The following ABCC1 variants were observed in gnomAD, a reference collection of about 807,000 sequenced individuals.
The protein encoded by ABCC1 is ATP binding cassette subfamily C member 1 (ABCC1 blood group), also known as multidrug resistance-associated protein 1.
In ABCC1, 83 loss-of-function variants were observed where a neutral mutation model predicts 172.9. The ratio of observed to expected loss-of-function variants is 0.48; its 90% CI spans 0.40 to 0.58. The LOEUF is 0.58. Among genes scored for constraint, ABCC1 ranks in the 20% least tolerant of loss-of-function variants. The pLI is 0.00. For synonymous variants in ABCC1, 937 were observed against 825.2 expected, an observed-to-expected ratio of 1.14 and a Z score of -2.32; for missense variants, 1,817 against 2,002.7, an observed-to-expected ratio of 0.91 and a Z score of 1.77.
chr16:16,065,151 C>T (rs775109681), intron 12 of ABCC1, among the ~76,000 whole-genome samples: 7 of 152,142 alleles, frequency 4.6e-5, no homozygotes, highest in African/African-American at 1.2e-4. Context: ...TGACAGATGA[C>T]GCCAAATGAG....
At chr16:16,137,617 G>T (rs1365804297) in intron 29 of ABCC1, among the ~76,000 whole-genome samples, 1 of 139,998 alleles carries the variant, frequency 7.1e-6, no homozygotes, top group African/African-American at 2.6e-5. Flanking sequence ...GAGTGCAGTG[G>T]CGCAATCTCA....
intron 7 of ABCC1, among the ~76,000 whole-genome samples, chr16:16,041,895 G>C (rs950820833): frequency 6.6e-6 from 1 of 152,058 alleles, no homozygotes; most frequent in African/African-American, 2.4e-5. Flanking sequence ...TCATGAGTTC[G>C]AGACCAGCCT....
At position 16,079,345 on chromosome 16, in the gene ABCC1, G is replaced by A. The variant is rs376785791; in HGVS notation, c.1989-7G>A. ...GTGGCTGAGCCAGGTGTGTTGTGTC[G>A]TTTCAGCATCACCTTCTCCATCCCC... On this transcript the variant is annotated splice_region_variant and splice_polypyrimidine_tract_variant and intron_variant, in intron 15 of 30. Coordinates refer to ENST00000399410, the MANE Select transcript of ABCC1 (RefSeq NM_004996.4). 1.2e-4 allele frequency: 191 copies of A among 1,613,556 alleles called. 1 individual carries two copies. In the Admixed American group the frequency reaches 1.9e-3, roughly 16 times the overall value.
chr16:15,984,205 A>G (rs779051132), intron 1 of ABCC1, among the ~76,000 whole-genome samples: 19 of 152,214 alleles, frequency 1.2e-4, no homozygotes, highest in East Asian at 7.7e-4. Context: ...GCAGAAGGAC[A>G]TAAGACGAGG....
At chr16:15,959,605 C>T (rs1013765359) in intron 1 of ABCC1, among the ~76,000 whole-genome samples, 5 of 152,210 alleles carry the variant, frequency 3.3e-5, no homozygotes, top group Non-Finnish European at 5.9e-5. Context: ...GGATTACAGG[C>T]GTGAGCCACC....
chr16:16,076,342 C>T lies in ABCC1; in HGVS notation c.1929C>T (p.Ser643=). 6.2e-7 allele frequency: 1 copy of T among 1,612,456 alleles called. No individual in the cohort carries two copies. The highest frequency in any genetic ancestry group is 8.5e-7 in the Non-Finnish European group (1 of 1,179,306). ...GCTTTGTAGGCGGGGGCACGAACAGCATCACCGTGAGGAATGCCACATTCA... is the reference window on the plus strand; with the variant it reads ...GCTTTGTAGGCGGGGGCACGAACAGTATCACCGTGAGGAATGCCACATTCA... ...RPVKDGGGTN[S]ITVRNATFTW... Residue 643 remains serine, a synonymous_variant, in exon 15 of 31, where the codon AGC becomes AGT. Coordinates refer to ENST00000399410, the MANE Select transcript of ABCC1 (RefSeq NM_004996.4).
At position 16,090,465 on chromosome 16, in the gene ABCC1, A is replaced by C; in HGVS notation, c.2521A>C (p.Met841Leu). 6.2e-7 allele frequency: 1 copy of C among 1,613,926 alleles called. No homozygotes were observed. The highest frequency in any genetic ancestry group is 1.3e-5 in the African/African-American group (1 of 75,066). ...GCCGCAGGTGGACGTCATCATCGTC[A>C]TGAGTGGCGGCAAGATCTCTGAGAT... The part of the protein sequence containing the change: ...YLPQVDVIIV[M>L]SGGKISEMGS... The change falls in exon 19 of 31, where the codon ATG becomes CTG. Residue 841 changes from methionine to leucine, a missense_variant. Transcript: ENST00000399410.
intron 19 of ABCC1, among the ~76,000 whole-genome samples, chr16:16,090,948 T>G (rs998915867): frequency 6.6e-6 from 1 of 151,994 alleles, no homozygotes; most frequent in Non-Finnish European, 1.5e-5. Flanking sequence ...CTCTCGGGGC[T>G]GAGAGAAACT....
Position 16,045,842 on chromosome 16 carries a change from C to T in ABCC1, c.1047C>T (p.Leu349=), listed in dbSNP as rs8187851. The T allele has an allele frequency of 1.7e-4, 276 of 1,614,082 alleles. 1 individual carries two copies. In the East Asian group the frequency reaches 5.7e-3, roughly 33 times the overall value. The part of the protein sequence containing the change: ...MFSGPQILKL[L]IKFVNDTKAP... The stretch of plus-strand genomic sequence containing the variant: ...TCTCTTTGCTCCTTTGCAGGTTGCT[C>T]ATCAAGTTCGTGAATGACACGAAGG... The change falls in exon 9 of 31, where the codon CTC becomes CTT. Residue 349 remains leucine (L), a synonymous_variant. Transcript: ENST00000399410.
Position 16,068,239 on chromosome 16 carries a change from C to T in ABCC1, c.1761C>T (p.Ala587=), listed in dbSNP as rs755785390. The part of the protein sequence containing the change: ...LDAQTAFVSL[A]LFNILRFPLN... ...CCCAGACAGCCTTCGTGTCTTTGGC[C>T]TTGTTCAACATCCTCCGGTTTCCCC... Residue 587 remains alanine (A), a synonymous_variant, in exon 13 of 31, where the codon GCC becomes GCT. Transcript: ENST00000399410. 4.6e-5 allele frequency: 75 copies of T among 1,614,028 alleles called. No individual in the cohort carries two copies. The highest frequency in any genetic ancestry group is 6.1e-5 in the Non-Finnish European group (72 of 1,180,042).
chr16:16,128,769 T>TGG (rs1235072783), intron 26 of ABCC1, among the ~76,000 whole-genome samples: 4 of 151,830 alleles, frequency 2.6e-5, no homozygotes, highest in Non-Finnish European at 4.4e-5. Context: ...GAGGCCAAGG[T>TGG]GGGTGGATCA....
chr16:16,107,090 C>T (rs2052155562), intron 21 of ABCC1, among the ~76,000 whole-genome samples: 1 of 152,130 alleles, frequency 6.6e-6, no homozygotes, highest in Non-Finnish European at 1.5e-5. Flanking sequence ...GATTTGAACC[C>T]TGGCCAACTC....
intron 1 of ABCC1, among the ~76,000 whole-genome samples, chr16:15,992,890 C>G (rs1414187708): frequency 1.3e-5 from 2 of 152,112 alleles, no homozygotes; most frequent in Non-Finnish European, 2.9e-5. Flanking sequence ...CAGCCATATC[C>G]TCCCCCCACC....
intron 1 of ABCC1, among the ~76,000 whole-genome samples, chr16:15,996,469 G>A (rs2047060362): frequency 6.6e-6 from 1 of 152,180 alleles, no homozygotes; most frequent in Non-Finnish European, 1.5e-5. Context: ...GGATGCTCAG[G>A]CCTCAGTGGA....
intron 3 of ABCC1, among the ~76,000 whole-genome samples, chr16:16,012,288 G>A (rs1022679265): frequency 4.6e-5 from 7 of 152,178 alleles, no homozygotes; most frequent in Non-Finnish European, 8.8e-5. Flanking sequence ...AGGCCCCAGC[G>A]TGTAGCCTGG....
intron 23 of ABCC1, among the ~76,000 whole-genome samples, chr16:16,117,537 T>C (rs1052985192): frequency 6.6e-6 from 1 of 152,190 alleles, no homozygotes; most frequent in Non-Finnish European, 1.5e-5. Flanking sequence ...AACTTAGTCA[T>C]GGGACCACCT....
intron 19 of ABCC1, chr16:16,094,309 G>A: frequency 3.8e-6 from 1 of 262,978 alleles, no homozygotes; most frequent in East Asian, 1.0e-4. Flanking sequence ...GTATTTTTAA[G>A]CATGTGCAGC....
chr16:16,064,762 T>C (rs1424831474), intron 12 of ABCC1, among the ~76,000 whole-genome samples: 1 of 152,190 alleles, frequency 6.6e-6, no homozygotes, highest in Non-Finnish European at 1.5e-5. Context: ...CTGAGCACCA[T>C]GATCTGGGCT....
At chr16:15,971,062 G>T (rs528452037) in intron 1 of ABCC1, among the ~76,000 whole-genome samples, 1 of 152,278 alleles carries the variant, frequency 6.6e-6, no homozygotes, top group African/African-American at 2.4e-5. Flanking sequence ...CAAGAAAGAA[G>T]GGAGAATAAG....
Sources: allele counts gnomAD v4.1 joint callset (sites outside exome capture counted in the v4.1 genomes callset), GRCh38; gene constraint gnomAD v4.1.1; transcripts MANE v1.5; gene names NCBI Gene and HGNC (gene_info 2026-07-23, HGNC 2026-07-21).